The following SLCO2B1 variants were observed in gnomAD, a reference collection of about 807,000 sequenced individuals.
SLCO2B1 encodes the protein solute carrier organic anion transporter family member 2B1.
SLCO2B1 carries 41 observed loss-of-function variants against 67.3 expected under a neutral mutation model. The observed-to-expected ratio is 0.61, with a 90% CI of 0.47 to 0.79. The LOEUF (loss-of-function observed/expected upper bound fraction) is 0.79. Among genes scored for constraint, SLCO2B1 ranks in the 30% least tolerant of loss-of-function variants. The probability of loss-of-function intolerance (pLI) is 0.00; values close to 1 mark genes in which losing one functional copy is unlikely to be tolerated. For synonymous variants in SLCO2B1, 379 were observed against 381.4 expected (o/e 0.99, Z 0.07); for missense variants, 837 against 920.1 (o/e 0.91, Z 1.17).
rs753926466 is a variant in SLCO2B1 at position 75,162,796 on chromosome 11, G to T, written c.147+11G>T. ...TTCCATAACATCAAGGTACCTCTCA[G>T]GGCCTGGCAGGGGCCTCCGAGTCTA... is the stretch of plus-strand genomic sequence containing the variant. On this transcript the variant is annotated intron_variant, in intron 2 of 13. Coordinates refer to ENST00000289575, the MANE Select transcript of SLCO2B1 (RefSeq NM_007256.5). 2 of 1,611,036 alleles carry T rather than the reference G, an allele frequency of 1.2e-6. No individual in the cohort carries two copies. The highest frequency in any genetic ancestry group is 8.5e-7 in the Non-Finnish European group (1 of 1,178,912).
At chr11:75,167,845 G>A (rs1196363886) in intron 4 of SLCO2B1, among the ~76,000 whole-genome samples, 1 of 151,574 alleles carries the variant, frequency 6.6e-6, no homozygotes, top group Non-Finnish European at 1.5e-5. Context: ...CTGAACTGCC[G>A]AATTCTTCCA....
chr11:75,187,899 T>G (rs1944960471), intron 7 of SLCO2B1, among the ~76,000 whole-genome samples: 1 of 152,232 alleles, frequency 6.6e-6, no homozygotes, highest in South Asian at 2.1e-4. Flanking sequence ...CTAACCCATG[T>G]GGATACTGGT....
At position 75,203,413 on chromosome 11, in the gene SLCO2B1, C is replaced by T. The variant is rs1945217213; in HGVS notation, c.1935C>T (p.Asp645=). 1 of 1,614,154 alleles carries T rather than the reference C, an allele frequency of 6.2e-7. No homozygotes were observed. The highest frequency in any genetic ancestry group is 8.5e-7 in the Non-Finnish European group (1 of 1,180,008). The change falls in exon 13 of 14, where the codon GAC becomes GAT. Residue 645 remains aspartate, a synonymous_variant. Coordinates refer to ENST00000289575, the MANE Select transcript of SLCO2B1 (RefSeq NM_007256.5). Reference sequence around the variant, plus strand: ...CTGTCTGTCGCTACTACAATAATGACCTGCTCCGAAACCGGTGAGACCTGG... The same window carrying T: ...CTGTCTGTCGCTACTACAATAATGATCTGCTCCGAAACCGGTGAGACCTGG... ...RRAVCRYYNN[D]LLRNRFIGLQ...
At chr11:75,204,096 T>C (rs11236373) in intron 13 of SLCO2B1, 1 of 241,120 alleles carries the variant, frequency 4.1e-6, no homozygotes, top group African/African-American at 2.2e-5. Flanking sequence ...TTTGTTCTTG[T>C]GGCAGGTGGC....
chr11:75,186,978 T>A (rs1439133658), intron 7 of SLCO2B1, among the ~76,000 whole-genome samples: 2 of 152,226 alleles, frequency 1.3e-5, no homozygotes, highest in South Asian at 4.1e-4. Flanking sequence ...CCACTTATTA[T>A]CTGTGTGAAA....
At chr11:75,158,099 G>A (rs1949768567) in intron 1 of SLCO2B1, among the ~76,000 whole-genome samples, 1 of 152,110 alleles carries the variant, frequency 6.6e-6, no homozygotes, top group Admixed American at 6.5e-5. Context: ...TTTTGAGACA[G>A]GGTCTCACGC....
At chr11:75,157,480 C>T (rs149949980) in intron 1 of SLCO2B1, among the ~76,000 whole-genome samples, 30 of 152,174 alleles carry the variant, frequency 2.0e-4, no homozygotes, top group African/African-American at 7.2e-4. Context: ...GCCTCCTAGC[C>T]CAGAGAGGGA....
intron 7 of SLCO2B1, among the ~76,000 whole-genome samples, chr11:75,186,522 T>C (rs2140330668): frequency 6.6e-6 from 1 of 151,826 alleles, no homozygotes; most frequent in Non-Finnish European, 1.5e-5. Context: ...TTTTTTTTTA[T>C]TTTTATTTTT....
intron 7 of SLCO2B1, among the ~76,000 whole-genome samples, chr11:75,174,527 CAG>C (rs1341095678): frequency 6.6e-6 from 1 of 152,024 alleles, no homozygotes; most frequent in Non-Finnish European, 1.5e-5. Context: ...GTCCCCAAGA[CAG>C]TGATGAGTTG....
At chr11:75,173,805 T>C (rs1045110913) in intron 7 of SLCO2B1, among the ~76,000 whole-genome samples, 2 of 152,210 alleles carry the variant, frequency 1.3e-5, no homozygotes, top group Non-Finnish European at 2.9e-5. Context: ...GAAACAATTT[T>C]TAAAGTTTAT....
intron 9 of SLCO2B1, among the ~76,000 whole-genome samples, chr11:75,194,848 A>C (rs1435906789): frequency 6.6e-6 from 1 of 152,174 alleles, no homozygotes; most frequent in Non-Finnish European, 1.5e-5. Context: ...TAGCTTTGAC[A>C]TCTCATGTCA....
chr11:75,159,369 G>T (rs1565531827), intron 1 of SLCO2B1, among the ~76,000 whole-genome samples: 1 of 152,204 alleles, frequency 6.6e-6, no homozygotes, highest in African/African-American at 2.4e-5. Flanking sequence ...ACTAGGGCCT[G>T]GCTCTCTGCC....
intron 1 of SLCO2B1, among the ~76,000 whole-genome samples, chr11:75,159,407 C>T (rs546565000): frequency 2.0e-5 from 3 of 152,212 alleles, no homozygotes; most frequent in Non-Finnish European, 2.9e-5. Context: ...CGCAGGCAAC[C>T]GCCTGCCCAG....
intron 7 of SLCO2B1, among the ~76,000 whole-genome samples, chr11:75,176,222 G>A (rs1002658145): frequency 1.3e-5 from 2 of 152,168 alleles, no homozygotes; most frequent in Admixed American, 6.5e-5. Flanking sequence ...TGGTAGTGGT[G>A]CTCCCATTCA....
intron 11 of SLCO2B1, 198 bp from the exon 12 acceptor site, chr11:75,202,703 G>A (rs1945200136): frequency 4.9e-6 from 3 of 608,798 alleles, no homozygotes; most frequent in East Asian, 2.8e-5. Context: ...GTGTTGTCTT[G>A]TATATGGGAC....
chr11:75,157,785 A>G (rs1432207971), intron 1 of SLCO2B1, among the ~76,000 whole-genome samples: 1 of 152,182 alleles, frequency 6.6e-6, no homozygotes, highest in Non-Finnish European at 1.5e-5. Flanking sequence ...AAAAGCATAC[A>G]AATTTATTTG....
chr11:75,204,245 C>A lies in SLCO2B1; in HGVS notation c.1950-155C>A, dbSNP rs561446476. 737 of 737,556 alleles carry A rather than the reference C, an allele frequency of 1.0e-3. 2 individuals are homozygous for A. The highest frequency in any genetic ancestry group is 1.4e-3 in the Non-Finnish European group (642 of 463,786). 45.7% of individuals were successfully genotyped at this position (737,556 alleles called of 1,614,324 possible). ...TCTGCTCCCACCCAGGGCTCCTCTG[C>A]AGAGCCTCTCCCCCTCCTCCAGGGA... On this transcript the variant is annotated intron_variant, in intron 13 of 13. Transcript: ENST00000289575.
At chr11:75,167,737 G>T (rs1949909655) in intron 4 of SLCO2B1, among the ~76,000 whole-genome samples, 1 of 152,118 alleles carries the variant, frequency 6.6e-6, no homozygotes, top group Non-Finnish European at 1.5e-5. Context: ...AGGAGGCAGG[G>T]ATTATCATTA....
chr11:75,199,385 G>A (rs1945149127), intron 10 of SLCO2B1, among the ~76,000 whole-genome samples: 1 of 152,050 alleles, frequency 6.6e-6, no homozygotes, highest in Non-Finnish European at 1.5e-5. Flanking sequence ...CCACCCCCAA[G>A]CCCACTCTAT....
Sources: gnomAD v4.1 joint callset for allele counts (sites outside exome capture counted in the v4.1 genomes callset) on GRCh38, gnomAD v4.1.1 for gene constraint, MANE v1.5 for transcripts, NCBI Gene and HGNC (gene_info 2026-07-23, HGNC 2026-07-21) for gene names.